The following MAGI1 variants were observed in gnomAD, a reference collection of about 807,000 sequenced individuals.
MAGI1 encodes the protein membrane-associated guanylate kinase, WW and PDZ domain-containing protein 1.
MAGI1 carries 58 observed loss-of-function variants against 139.9 expected under a neutral mutation model. The observed-to-expected ratio is 0.41, with a 90% CI of 0.34 to 0.52. The LOEUF (loss-of-function observed/expected upper bound fraction) is 0.52, where lower values mean the gene tolerates loss of function less well. MAGI1 is among the 20% of genes least tolerant of loss of function. The probability of loss-of-function intolerance (pLI) is 0.12; values close to 1 mark genes in which losing one functional copy is unlikely to be tolerated. For missense variants in MAGI1, 1,874 were observed against 1,901.6 expected (o/e 0.99, Z 0.27); for synonymous variants, 812 against 737.9 (o/e 1.10, Z -1.63).
chr3:65,580,715 G>A (rs1219839356), intron 2 of MAGI1, among the ~76,000 whole-genome samples: 1 of 152,154 alleles, frequency 6.6e-6, no homozygotes, highest in African/African-American at 2.4e-5. Context: ...TGGGCTATCA[G>A]ATTACTCAAG....
intron 4 of MAGI1, among the ~76,000 whole-genome samples, chr3:65,471,137 C>A (rs575609648): frequency 6.6e-6 from 1 of 152,114 alleles, no homozygotes; most frequent in African/African-American, 2.4e-5. Flanking sequence ...ACCCCCAGAA[C>A]AGTATCATGT....
chr3:65,737,350 C>T (rs539087383), intron 1 of MAGI1, among the ~76,000 whole-genome samples: 5 of 152,212 alleles, frequency 3.3e-5, no homozygotes, highest in Middle Eastern at 3.4e-3. Context: ...GATGGACGGA[C>T]GGGTGGATGG....
At chr3:65,880,059 T>A (rs529232352) in intron 1 of MAGI1, among the ~76,000 whole-genome samples, 1 of 152,252 alleles carries the variant, frequency 6.6e-6, no homozygotes, top group Non-Finnish European at 1.5e-5. Flanking sequence ...CTGGGCAACA[T>A]GATGAAACCC....
In MAGI1 at chr3:65,470,477, A is replaced by G; in HGVS notation, c.765T>C (p.Ser255=). 1 of 1,612,214 alleles carries G rather than the reference A, an allele frequency of 6.2e-7. No homozygotes were observed. The highest frequency in any genetic ancestry group is 8.5e-7 in the Non-Finnish European group (1 of 1,178,960). ...PEMNSSFTAD[S]GEQEEHTLQE... is the part of the protein sequence containing the mutation. ...GGAGAGTGTGCTCCTCTTGTTCACC[A>G]GAATCGGCTGCTTAATCATGTGAAG... Residue 255 remains serine (S), a synonymous_variant, in exon 5 of 23, where the codon TCT becomes TCC. Transcript: ENST00000402939.
intron 1 of MAGI1, among the ~76,000 whole-genome samples, chr3:65,693,709 GTT>G (rs2088886045): frequency 7.2e-6 from 1 of 139,796 alleles, no homozygotes; most frequent in African/African-American, 2.6e-5. Context: ...GTTTTTTTTT[GTT>G]TTTGTTTTTT....
chr3:65,454,555 T>TAATAAA (rs1457403082), intron 5 of MAGI1, among the ~76,000 whole-genome samples: 42 of 135,640 alleles, frequency 3.1e-4, no homozygotes, highest in African/African-American at 1.1e-3. Flanking sequence ...ATAATAATAA[T>TAATAAA]AAAAAAATAC....
chr3:65,859,698 G>A (rs2059484610), intron 1 of MAGI1, among the ~76,000 whole-genome samples: 1 of 151,402 alleles, frequency 6.6e-6, no homozygotes, highest in Non-Finnish European at 1.5e-5. Flanking sequence ...GCCAGCCTGG[G>A]TGACAGAGCA....
At chr3:65,987,047 T>C (rs1401499998) in intron 1 of MAGI1, among the ~76,000 whole-genome samples, 2 of 152,126 alleles carry the variant, frequency 1.3e-5, no homozygotes, top group Non-Finnish European at 1.5e-5. Flanking sequence ...AATTTTTACA[T>C]TTTTAGTAGA....
intron 2 of MAGI1, among the ~76,000 whole-genome samples, chr3:65,499,742 A>T (rs1190855205): frequency 6.6e-6 from 1 of 152,252 alleles, no homozygotes. Flanking sequence ...CATTTCATTG[A>T]AAAACAGAAT....
In MAGI1 at chr3:65,552,288, G is replaced by A. The variant is rs181156969; in HGVS notation, c.431-58657C>T. On this transcript the variant is annotated intron_variant, in intron 2 of 22. Transcript: ENST00000402939. ...TGTGTGTGTGTGTGTGTGTGTGTGT[G>A]TCCCCATTCCAATTTCCCAACATGA... Among the ~76,000 whole-genome samples, 265 of 148,664 alleles carry A rather than the reference G, an allele frequency of 1.8e-3. 1 individual carries two copies. The highest frequency in any genetic ancestry group is 6.0e-3 in the African/African-American group (240 of 40,206).
chr3:65,387,280 G>T, intron 14 of MAGI1: 1 of 1,341,824 alleles, frequency 7.5e-7, no homozygotes, highest in Non-Finnish European at 1.1e-6. Flanking sequence ...CTTTCTCTTA[G>T]TTCACTTTAA....
chr3:65,455,666 G>A (rs997509282), intron 5 of MAGI1, among the ~76,000 whole-genome samples: 1 of 152,198 alleles, frequency 6.6e-6, no homozygotes, highest in Non-Finnish European at 1.5e-5. Context: ...GAGCCCAGGA[G>A]GCAGAGGTTG....
At chr3:65,394,191 G>A (rs543983939) in intron 13 of MAGI1, among the ~76,000 whole-genome samples, 42 of 152,232 alleles carry the variant, frequency 2.8e-4, no homozygotes, top group African/African-American at 1.0e-3. Flanking sequence ...CAGAAATAGA[G>A]AGTGCAAATG....
At chr3:65,753,735 T>C (rs1046255964) in intron 1 of MAGI1, among the ~76,000 whole-genome samples, 5 of 151,000 alleles carry the variant, frequency 3.3e-5, no homozygotes, top group Non-Finnish European at 7.4e-5. Flanking sequence ...ACCCATGTTA[T>C]GTAGCTGGCA....
intron 1 of MAGI1, among the ~76,000 whole-genome samples, chr3:65,624,857 TGGA>T (rs2083879142): frequency 6.6e-6 from 1 of 152,198 alleles, no homozygotes; most frequent in African/African-American, 2.4e-5. Flanking sequence ...GGGAAGATTC[TGGA>T]GGAGATGCCA....
rs532557120 is a variant in MAGI1 at position 65,520,831 on chromosome 3, G to A, written c.431-27200C>T. ...CCAGACTGCCTTTCAGAAGCCTTTCGTGACTTATAAACCATGGTAGTCATG... is the reference window on the plus strand; with the variant it reads ...CCAGACTGCCTTTCAGAAGCCTTTCATGACTTATAAACCATGGTAGTCATG... On this transcript the variant is annotated intron_variant, in intron 2 of 22. Transcript: ENST00000402939. Among the ~76,000 whole-genome samples the A allele has an allele frequency of 7.2e-5, 11 of 152,224 alleles. No individual in the cohort carries two copies. The South Asian group carries it at 1.7e-3, about 23-fold the overall frequency.
intron 1 of MAGI1, among the ~76,000 whole-genome samples, chr3:65,899,859 T>A (rs1282155908): frequency 1.3e-5 from 2 of 152,230 alleles, no homozygotes; most frequent in African/African-American, 4.8e-5. Context: ...GATGCACTAA[T>A]TTTTCAGATA....
chr3:65,672,938 A>T (rs1318539028), intron 1 of MAGI1, among the ~76,000 whole-genome samples: 1 of 152,230 alleles, frequency 6.6e-6, no homozygotes, highest in Non-Finnish European at 1.5e-5. Context: ...GCCATAATCA[A>T]GTATGATAAA....
At chr3:66,012,794 G>C (rs1363043270) in intron 1 of MAGI1, among the ~76,000 whole-genome samples, 2 of 151,780 alleles carry the variant, frequency 1.3e-5, no homozygotes, top group Non-Finnish European at 2.9e-5. Flanking sequence ...ATAAATAAGG[G>C]GACAGATGTG....
Sources: allele counts gnomAD v4.1 joint callset (sites outside exome capture counted in the v4.1 genomes callset), GRCh38; gene constraint gnomAD v4.1.1; transcripts MANE v1.5; gene names NCBI Gene and HGNC (gene_info 2026-07-23, HGNC 2026-07-21).